The following KIFAP3 variants were observed in gnomAD, a reference collection of about 807,000 sequenced individuals.
KIFAP3 encodes kinesin-associated protein 3.
In KIFAP3, 68 loss-of-function variants were observed where a neutral mutation model predicts 106.5. That is an observed-to-expected ratio of 0.64 (90% CI 0.53 to 0.78). KIFAP3 has a LOEUF of 0.78. Among genes scored for constraint, KIFAP3 ranks in the 30% least tolerant of loss-of-function variants. KIFAP3 has a pLI of 0.00. For synonymous variants in KIFAP3, 320 were observed against 311.5 expected (o/e 1.03, Z -0.29); for missense variants, 780 against 941.8 (o/e 0.83, Z 2.25).
In KIFAP3 at chr1:170,083,288, A is replaced by G. The variant is rs536316794; in HGVS notation, n.174+1747T>C. 7.2e-5 allele frequency among the ~76,000 whole-genome samples: 11 copies of G among 152,326 alleles called. 1 individual carries two copies. Among genetic ancestry groups the G allele is most frequent in the African/African-American group, 2.4e-4 (10 of 41,586 alleles). ...GATAGAGATCTCAGAAGCCATCATC[A>G]GTTAGTAATTTTTTGTGTGCTAATT... On this transcript the variant is annotated intron_variant and non_coding_transcript_variant, in intron 1 of 5. Transcript: ENST00000490550.
At chr1:170,007,836 G>C (rs944583807) in intron 10 of KIFAP3, among the ~76,000 whole-genome samples, 9 of 152,084 alleles carry the variant, frequency 5.9e-5, no homozygotes, top group Admixed American at 5.9e-4. Flanking sequence ...AAAGAACAAA[G>C]CTAGAGGCAT....
chr1:169,988,168 T>A (rs1488716130), intron 11 of KIFAP3, among the ~76,000 whole-genome samples: 2 of 152,056 alleles, frequency 1.3e-5, no homozygotes, highest in Non-Finnish European at 2.9e-5. Context: ...CCACTCCGGA[T>A]GCTAAATATT....
chr1:170,041,459 T>C (rs1297473075), intron 3 of KIFAP3, among the ~76,000 whole-genome samples: 1 of 152,118 alleles, frequency 6.6e-6, no homozygotes, highest in Non-Finnish European at 1.5e-5. Context: ...CTAGGCAACA[T>C]AGTGAGACCC....
intron 17 of KIFAP3, among the ~76,000 whole-genome samples, chr1:169,963,957 A>G (rs1360286233): frequency 1.3e-5 from 2 of 152,200 alleles, no homozygotes; most frequent in African/African-American, 4.8e-5. Context: ...ATAATTGAAG[A>G]TATTAAATTA....
At chr1:170,041,261 AGACT>A (rs1017786212) in intron 3 of KIFAP3, among the ~76,000 whole-genome samples, 10 of 152,240 alleles carry the variant, frequency 6.6e-5, no homozygotes, top group East Asian at 3.8e-4. Flanking sequence ...GGATGAAGAG[AGACT>A]GACTAATTTG....
chr1:169,995,499 T>C (rs900132833), intron 10 of KIFAP3, among the ~76,000 whole-genome samples: 1 of 152,130 alleles, frequency 6.6e-6, no homozygotes, highest in African/African-American at 2.4e-5. Context: ...TTGAAGATAT[T>C]TTCTCTAGTA....
chr1:169,953,643 TAG>T (rs571383946), intron 19 of KIFAP3, among the ~76,000 whole-genome samples: 101 of 152,124 alleles, frequency 6.6e-4, no homozygotes, highest in African/African-American at 2.3e-3. Context: ...GCCTCCTGAG[TAG>T]CTGGGACTAC....
chr1:169,989,328 A>ATCT (rs1666988295), intron 11 of KIFAP3, among the ~76,000 whole-genome samples: 1 of 105,994 alleles, frequency 9.4e-6, no homozygotes, highest in African/African-American at 3.0e-5. Flanking sequence ...GTTTGCATTT[A>ATCT]TTTATCTTTT....
intron 17 of KIFAP3, among the ~76,000 whole-genome samples, chr1:169,963,930 T>C (rs370659248): frequency 1.3e-5 from 2 of 148,506 alleles, no homozygotes; most frequent in East Asian, 3.9e-4. Flanking sequence ...AACATTTTTA[T>C]TCAACTGATA....
chr1:170,014,441 A>T (rs1353311367), intron 10 of KIFAP3, among the ~76,000 whole-genome samples: 1 of 152,200 alleles, frequency 6.6e-6, no homozygotes, highest in Non-Finnish European at 1.5e-5. Flanking sequence ...TTATTGCTTT[A>T]TCTGAATTAC....
chr1:170,057,215 T>C (rs2102127994), intron 1 of KIFAP3, among the ~76,000 whole-genome samples: 1 of 152,234 alleles, frequency 6.6e-6, no homozygotes, highest in South Asian at 2.1e-4. Context: ...TAGCCTCCTA[T>C]TACCACTTTA....
chr1:169,928,287 A>G (rs1055409223), intron 19 of KIFAP3, among the ~76,000 whole-genome samples: 11 of 151,908 alleles, frequency 7.2e-5, no homozygotes, highest in Non-Finnish European at 1.0e-4. Flanking sequence ...TTTAGTAGAG[A>G]CTGGGTTTCA....
At chr1:169,952,482 C>A (rs530290817) in intron 19 of KIFAP3, among the ~76,000 whole-genome samples, 1 of 151,888 alleles carries the variant, frequency 6.6e-6, no homozygotes, top group Non-Finnish European at 1.5e-5. Flanking sequence ...TAGGTAGATA[C>A]ATGTATATAA....
chr1:169,952,497 A>G (rs1664780260), intron 19 of KIFAP3, among the ~76,000 whole-genome samples: 1 of 152,096 alleles, frequency 6.6e-6, no homozygotes, highest in South Asian at 2.1e-4. Context: ...ATATAAACAA[A>G]TATGTATGTA....
intron 1 of KIFAP3, among the ~76,000 whole-genome samples, chr1:170,084,021 AT>A (rs147624787): frequency 0.011 from 1,731 of 152,328 alleles, 30 homozygotes; most frequent in African/African-American, 0.039. Flanking sequence ...TCACAATTTT[AT>A]AATTTGACAG....
chr1:169,997,685 C>T (rs661516), intron 10 of KIFAP3, among the ~76,000 whole-genome samples: 142,353 of 151,920 alleles, frequency 0.94, 66,778 homozygotes, highest in East Asian at 1. Flanking sequence ...AGCCTGGCCA[C>T]CATGATGAAA....
At chr1:170,019,040 G>A (rs1668671165) in intron 9 of KIFAP3, among the ~76,000 whole-genome samples, 1 of 152,034 alleles carries the variant, frequency 6.6e-6, no homozygotes, top group South Asian at 2.1e-4. Context: ...AATCACTTCA[G>A]CCCTTCAGAC....
intron 10 of KIFAP3, among the ~76,000 whole-genome samples, chr1:170,003,190 T>C (rs1667752029): frequency 2.0e-5 from 3 of 152,324 alleles, no homozygotes; most frequent in South Asian, 4.1e-4. Context: ...CAAACTGCTA[T>C]ATGTGTCTAA....
At chr1:170,073,111 T>C (rs1671778956) in intron 1 of KIFAP3, among the ~76,000 whole-genome samples, 1 of 152,254 alleles carries the variant, frequency 6.6e-6, no homozygotes, top group Non-Finnish European at 1.5e-5. Flanking sequence ...ACAGCGGCTC[T>C]TTGTTCCAGA....
Sources: gnomAD v4.1 joint callset for allele counts (sites outside exome capture counted in the v4.1 genomes callset) on GRCh38, gnomAD v4.1.1 for gene constraint, MANE v1.5 for transcripts, NCBI Gene and HGNC (gene_info 2026-07-23, HGNC 2026-07-21) for gene names.